The following MCTP2 variants were observed in gnomAD, a reference collection of about 807,000 sequenced individuals.
The protein encoded by MCTP2 is multiple C2 and transmembrane domain containing 2, also known as multiple C2 and transmembrane domain-containing protein 2.
A neutral mutation model predicts 111.6 loss-of-function variants in MCTP2; 132 were observed. The observed-to-expected ratio is 1.18, with a 90% CI of 1.03 to 1.37. The LOEUF is 1.37. Ranked by LOEUF, MCTP2 falls within the 40% of genes most tolerant of loss-of-function variation. The probability of loss-of-function intolerance (pLI) is 0.00; values close to 1 mark genes in which losing one functional copy is unlikely to be tolerated. For missense variants in MCTP2, 1,183 were observed against 1,067.9 expected, an observed-to-expected ratio of 1.11 and a Z score of -1.50; for synonymous variants, 395 against 387.7, an observed-to-expected ratio of 1.02 and a Z score of -0.22.
chr15:94,337,097 A>T (rs1315382840), intron 4 of MCTP2, among the ~76,000 whole-genome samples: 1 of 152,072 alleles, frequency 6.6e-6, no homozygotes, highest in East Asian at 1.9e-4. Flanking sequence ...CCTAGTTGAG[A>T]TGTCACTTCC....
intron 10 of MCTP2, among the ~76,000 whole-genome samples, chr15:94,364,583 T>C (rs1367270227): frequency 6.6e-6 from 1 of 152,236 alleles, no homozygotes; most frequent in Non-Finnish European, 1.5e-5. Context: ...TTAAAGACTT[T>C]AAATTTTAGT....
intron 19 of MCTP2, among the ~76,000 whole-genome samples, chr15:94,446,882 A>G (rs1200152393): frequency 1.3e-5 from 2 of 152,228 alleles, no homozygotes; most frequent in African/African-American, 4.8e-5. Flanking sequence ...TGACCCTTTT[A>G]TATCAGTTGT....
At chr15:94,455,840 C>G (rs533192038) in intron 19 of MCTP2, among the ~76,000 whole-genome samples, 1 of 152,188 alleles carries the variant, frequency 6.6e-6, no homozygotes, top group East Asian at 1.9e-4. Flanking sequence ...TAAAAAGATG[C>G]CATTAAAAAG....
intron 2 of MCTP2, among the ~76,000 whole-genome samples, chr15:94,302,098 G>C (rs1432069488): frequency 3.9e-5 from 6 of 152,170 alleles, no homozygotes; most frequent in Non-Finnish European, 8.8e-5. Context: ...GCTTTCCAGA[G>C]GGGTCAGGCA....
At chr15:94,269,083 C>T (rs977354715) in intron 1 of MCTP2, among the ~76,000 whole-genome samples, 2 of 152,046 alleles carry the variant, frequency 1.3e-5, no homozygotes, top group Non-Finnish European at 2.9e-5. Flanking sequence ...TTTTAAATTG[C>T]TCCAACAATG....
chr15:94,421,770 G>A (rs568314912), intron 17 of MCTP2, among the ~76,000 whole-genome samples: 4 of 152,230 alleles, frequency 2.6e-5, no homozygotes, highest in Admixed American at 6.5e-5. Context: ...CCTATTTTAA[G>A]GTCAGATGAT....
intron 1 of MCTP2, among the ~76,000 whole-genome samples, chr15:94,263,035 T>C (rs2073287557): frequency 6.6e-6 from 1 of 152,166 alleles, no homozygotes; most frequent in Non-Finnish European, 1.5e-5. Flanking sequence ...ATCTCTGCTT[T>C]GAACAGATCA....
intron 19 of MCTP2, among the ~76,000 whole-genome samples, chr15:94,453,918 A>G (rs908600686): frequency 1.3e-5 from 2 of 152,318 alleles, no homozygotes; most frequent in Admixed American, 1.3e-4. Context: ...CTAAAAATGC[A>G]TGTTGATATA....
intron 17 of MCTP2, among the ~76,000 whole-genome samples, chr15:94,433,792 C>G (rs1018658504): frequency 2.0e-5 from 3 of 152,166 alleles, no homozygotes; most frequent in African/African-American, 7.2e-5. Context: ...TTTAGCCCTT[C>G]TAATACATGT....
intron 1 of MCTP2, among the ~76,000 whole-genome samples, chr15:94,235,138 G>C (rs371649552): frequency 1.3e-5 from 2 of 151,964 alleles, no homozygotes; most frequent in East Asian, 3.9e-4. Context: ...ATAATCCTAG[G>C]TAATTGGGAG....
intron 1 of MCTP2, among the ~76,000 whole-genome samples, chr15:94,292,244 GA>G (rs942105667): frequency 1.1e-4 from 16 of 151,522 alleles, no homozygotes; most frequent in Non-Finnish European, 2.1e-4. Flanking sequence ...GACTGAGGGG[GA>G]AAAAAAAGAA....
chr15:94,294,328 G>A (rs1401680811), intron 1 of MCTP2, among the ~76,000 whole-genome samples: 2 of 152,054 alleles, frequency 1.3e-5, no homozygotes, highest in East Asian at 1.9e-4. Flanking sequence ...CACCAAAAGT[G>A]AGAAAAAAGC....
At chr15:94,244,163 C>CAT (rs2152240779) in intron 1 of MCTP2, among the ~76,000 whole-genome samples, 1 of 144,642 alleles carries the variant, frequency 6.9e-6, no homozygotes, top group Non-Finnish European at 1.5e-5. Context: ...TTTATATACA[C>CAT]GTGTATACAC....
chr15:94,356,327 G>A, intron 9 of MCTP2, 26 bp downstream of exon 9: 1 of 1,502,610 alleles, frequency 6.7e-7, no homozygotes, highest in Non-Finnish European at 8.9e-7. Flanking sequence ...TCCATAAGGA[G>A]AACAGTATCT....
intron 1 of MCTP2, among the ~76,000 whole-genome samples, chr15:94,293,673 A>C (rs930436213): frequency 7.2e-5 from 11 of 152,198 alleles, no homozygotes; most frequent in African/African-American, 2.7e-4. Context: ...GGCTATGCAC[A>C]TACCTATTAG....
chr15:94,417,659 T>A (rs963967114), intron 17 of MCTP2, among the ~76,000 whole-genome samples: 16 of 152,130 alleles, frequency 1.1e-4, no homozygotes, highest in African/African-American at 3.9e-4. Context: ...GAAAGGAGGA[T>A]CCAAGCCTTG....
rs563135440 is a variant in MCTP2, at chr15:94,292,459, A to G, written c.-65-5742A>G. ...TACAAAGCCAATATAAAAAAATTCA[A>G]TTGTATATGTTTATGCTGAAAATAC... On this transcript the variant is annotated intron_variant, in intron 1 of 22. Transcript: ENST00000357742. Among the ~76,000 whole-genome samples the G allele has an allele frequency of 1.2e-4, 19 of 152,342 alleles. 2 individuals are homozygous for G. The South Asian group carries it at 3.5e-3, about 28-fold the overall frequency.
chr15:94,244,924 G>A (rs901835740), intron 1 of MCTP2, among the ~76,000 whole-genome samples: 1 of 136,636 alleles, frequency 7.3e-6, no homozygotes, highest in Admixed American at 7.2e-5. Flanking sequence ...GTTTATATAC[G>A]TATATGTATA....
chr15:94,401,962 G>A lies in MCTP2; in HGVS notation c.2028G>A (p.Gln676=), dbSNP rs2152476065. ...CTATGGCAATATGGAATACAATGCA[G>A]TTCCTTAAAAGCTGCTTCCAGTGGG... ...RITMAIWNTM[Q]FLKSCFQWES... Residue 676 remains glutamine, a synonymous_variant, in exon 17 of 23, where the codon CAG becomes CAA. Coordinates refer to ENST00000357742, the MANE Select transcript of MCTP2 (RefSeq NM_001385001.1). 2 of 1,613,152 alleles carry A rather than the reference G, an allele frequency of 1.2e-6. No homozygotes were observed. The highest frequency in any genetic ancestry group is 1.3e-5 in the African/African-American group (1 of 75,038).
Sources: allele counts gnomAD v4.1 joint callset (sites outside exome capture counted in the v4.1 genomes callset), GRCh38; gene constraint gnomAD v4.1.1; transcripts MANE v1.5; gene names NCBI Gene and HGNC (gene_info 2026-07-23, HGNC 2026-07-21).